The following POU6F2 variants were observed in gnomAD, a reference collection of about 807,000 sequenced individuals.
The protein encoded by POU6F2 is POU class 6 homeobox 2, also known as POU domain, class 6, transcription factor 2.
Under a neutral mutation model 71.3 loss-of-function variants are expected in POU6F2, and 31 were observed. The observed-to-expected ratio is 0.43, with a 90% CI of 0.33 to 0.59. POU6F2 has a LOEUF of 0.59. Among genes scored for constraint, POU6F2 ranks in the 20% least tolerant of loss-of-function variants. The pLI is 0.04. For missense variants in POU6F2, 783 were observed against 856.8 expected (o/e 0.91, Z 1.07); for synonymous variants, 347 against 355.7 (o/e 0.98, Z 0.27).
intron 7 of POU6F2, among the ~76,000 whole-genome samples, chr7:39,440,544 A>T (rs535004726): frequency 3.9e-4 from 60 of 152,210 alleles, no homozygotes; most frequent in African/African-American, 1.3e-3. Context: ...CTGGTCATTT[A>T]TGTTCCTCTC....
chr7:39,381,769 G>T (rs1456055631), intron 5 of POU6F2, among the ~76,000 whole-genome samples: 1 of 152,122 alleles, frequency 6.6e-6, no homozygotes, highest in Non-Finnish European at 1.5e-5. Flanking sequence ...GCAGAAAAAT[G>T]ACCTAATTAT....
intron 4 of POU6F2, among the ~76,000 whole-genome samples, chr7:39,236,083 A>G (rs879131052): frequency 6.6e-6 from 1 of 152,182 alleles, no homozygotes; most frequent in Non-Finnish European, 1.5e-5. Context: ...AGAAACTATT[A>G]ATATAATACA....
chr7:39,408,260 G>A (rs955237036), intron 6 of POU6F2, among the ~76,000 whole-genome samples: 1 of 152,144 alleles, frequency 6.6e-6, no homozygotes, highest in African/African-American at 2.4e-5. Flanking sequence ...CATATCCACC[G>A]ACAGATATTT....
chr7:39,382,489 CA>C (rs1228985375), intron 5 of POU6F2, among the ~76,000 whole-genome samples: 2 of 152,210 alleles, frequency 1.3e-5, no homozygotes, highest in African/African-American at 4.8e-5. Flanking sequence ...GACCCCACCC[CA>C]GCCACGGATC....
intron 7 of POU6F2, among the ~76,000 whole-genome samples, chr7:39,439,153 A>C (rs1048538455): frequency 1.3e-5 from 2 of 150,094 alleles, no homozygotes; most frequent in Admixed American, 6.6e-5. Context: ...TTTAAAGTCT[A>C]TTTTATCAGA....
chr7:39,173,171 A>G (rs1395365929), intron 2 of POU6F2, among the ~76,000 whole-genome samples: 1 of 152,226 alleles, frequency 6.6e-6, no homozygotes, highest in Non-Finnish European at 1.5e-5. Flanking sequence ...AAATGGACCT[A>G]CGCATTCTAT....
chr7:39,004,319 T>A (rs1385889105), intron 1 of POU6F2, among the ~76,000 whole-genome samples: 1 of 152,242 alleles, frequency 6.6e-6, no homozygotes, highest in Non-Finnish European at 1.5e-5. Flanking sequence ...ATTGTCAATA[T>A]GAGTATTAGG....
At chr7:39,459,170 T>C (rs1188309154) in intron 8 of POU6F2, among the ~76,000 whole-genome samples, 2 of 152,216 alleles carry the variant, frequency 1.3e-5, no homozygotes, top group African/African-American at 4.8e-5. Context: ...ATTAGACTGA[T>C]TGCAGTAGTT....
At chr7:39,395,436 C>T (rs755333841) in intron 5 of POU6F2, among the ~76,000 whole-genome samples, 5 of 152,316 alleles carry the variant, frequency 3.3e-5, no homozygotes, top group Admixed American at 6.5e-5. Flanking sequence ...AGTTCCAAAG[C>T]TGTCCTCCCC....
intron 1 of POU6F2, among the ~76,000 whole-genome samples, chr7:39,004,459 A>G (rs1788999768): frequency 6.6e-6 from 1 of 152,192 alleles, no homozygotes; most frequent in South Asian, 2.1e-4. Flanking sequence ...GTTCCACTAA[A>G]TTGGTGCCTC....
At chr7:39,173,841 G>A (rs1285546102) in intron 2 of POU6F2, among the ~76,000 whole-genome samples, 2 of 152,192 alleles carry the variant, frequency 1.3e-5, no homozygotes, top group Non-Finnish European at 2.9e-5. Context: ...AATGTAGAGG[G>A]AACCACAGGT....
At chr7:39,196,769 A>G (rs980591133) in intron 2 of POU6F2, among the ~76,000 whole-genome samples, 2 of 152,212 alleles carry the variant, frequency 1.3e-5, no homozygotes, top group African/African-American at 4.8e-5. Context: ...AAGAAAAAAA[A>G]AAAGAAAAAA....
rs191383637 is a variant in POU6F2, at chr7:39,120,495, A to C, written c.277+34464A>C. Among the ~76,000 whole-genome samples, 306 of 152,338 alleles carry C rather than the reference A, an allele frequency of 2.0e-3. 1 individual carries two copies. Among genetic ancestry groups the C allele is most frequent in the African/African-American group, 6.9e-3 (288 of 41,584 alleles). On this transcript the variant is annotated intron_variant, in intron 2 of 9. Coordinates refer to ENST00000518318, the MANE Select transcript of POU6F2 (RefSeq NM_001370959.1). Reference sequence around the variant, plus strand: ...ATATGTCAACCTGTTGAGCAATGAAACATACTGATTTTCATAGCTAGTCTG... The same window carrying C: ...ATATGTCAACCTGTTGAGCAATGAACCATACTGATTTTCATAGCTAGTCTG...
chr7:38,989,251 G>GC lies in POU6F2; in HGVS notation c.105+11197dup, dbSNP rs533916167. On this transcript the variant is annotated intron_variant, in intron 1 of 9. Coordinates refer to ENST00000518318, the MANE Select transcript of POU6F2 (RefSeq NM_001370959.1). ...TATTTTCACAAATAAGTTTGTAAGTGCCCCATGTCACAGTCAGATGCCTTT... is the reference window on the plus strand; with the variant it reads ...TATTTTCACAAATAAGTTTGTAAGTGCCCCCATGTCACAGTCAGATGCCTTT... Among the ~76,000 whole-genome samples the GC allele has an allele frequency of 3.3e-3, 500 of 152,158 alleles. 3 individuals carry two copies. The highest frequency in any genetic ancestry group is 4.7e-3 in the Non-Finnish European group (322 of 68,000).
intron 6 of POU6F2, among the ~76,000 whole-genome samples, chr7:39,426,725 T>C (rs1173087770): frequency 2.0e-5 from 3 of 152,244 alleles, no homozygotes; most frequent in African/African-American, 7.2e-5. Context: ...TCAGCCACTT[T>C]CATTATCCTT....
chr7:39,368,455 G>A (rs1421897929), intron 5 of POU6F2, among the ~76,000 whole-genome samples: 7 of 152,206 alleles, frequency 4.6e-5, no homozygotes, highest in Admixed American at 2.6e-4. Flanking sequence ...AAGGAAAGAA[G>A]CCATCTCCAT....
intron 1 of POU6F2, among the ~76,000 whole-genome samples, chr7:39,015,898 TAGA>T (rs1789503576): frequency 2.3e-5 from 2 of 88,358 alleles, no homozygotes. Flanking sequence ...ATATTATATA[TAGA>T]TATATATTAT....
chr7:39,264,770 G>A (rs1280769964), intron 4 of POU6F2, among the ~76,000 whole-genome samples: 1 of 152,108 alleles, frequency 6.6e-6, no homozygotes, highest in Admixed American at 6.5e-5. Flanking sequence ...CATAATATAT[G>A]CATATATACA....
chr7:39,316,313 A>T (rs958975903), intron 4 of POU6F2, among the ~76,000 whole-genome samples: 3 of 151,956 alleles, frequency 2.0e-5, no homozygotes, highest in African/African-American at 7.3e-5. Context: ...TAGTGTTTTG[A>T]TTTCCTTTTT....
Sources: allele counts gnomAD v4.1 joint callset (sites outside exome capture counted in the v4.1 genomes callset), GRCh38; gene constraint gnomAD v4.1.1; transcripts MANE v1.5; gene names NCBI Gene and HGNC (gene_info 2026-07-23, HGNC 2026-07-21).